Variants in ARB2A observed in about 807,000 individuals in gnomAD.
The protein encoded by ARB2A is ARB2 cotranscriptional regulator A.
chr5:93,990,546 C>G, the ARB2A span, among the ~76,000 whole-genome samples: 1 of 138,744 alleles, frequency 7.2e-6, no homozygotes, highest in Non-Finnish European at 1.5e-5. Context: ...AAAAGATACT[C>G]TTTCACAACC....
chr5:93,619,607 T>G, the ARB2A span: 2 of 152,234 alleles, frequency 1.3e-5, no homozygotes, highest in Non-Finnish European at 2.9e-5. Flanking sequence ...GGATGAAAAC[T>G]ATTAAATTTA....
the ARB2A span, among the ~76,000 whole-genome samples, chr5:94,100,538 T>C: frequency 6.6e-6 from 1 of 151,916 alleles, no homozygotes; most frequent in Non-Finnish European, 1.5e-5. Context: ...CCTCAAACCA[T>C]ACTACAAGGC....
At chr5:93,788,527 G>A in the ARB2A span, among the ~76,000 whole-genome samples, 1 of 152,150 alleles carries the variant, frequency 6.6e-6, no homozygotes, top group Admixed American at 6.5e-5. Context: ...TGTCTTCACA[G>A]ATACCTGGCC....
chr5:93,936,119 A>AC, the ARB2A span, among the ~76,000 whole-genome samples: 2 of 152,208 alleles, frequency 1.3e-5, no homozygotes, highest in African/African-American at 4.8e-5. Flanking sequence ...TATTTAACAA[A>AC]TAGTTAAATT....
chr5:94,004,487 C>T, the ARB2A span, among the ~76,000 whole-genome samples: 3,490 of 151,572 alleles, frequency 0.023, 77 homozygotes, highest in Non-Finnish European at 0.031. Flanking sequence ...GAGGCTGAGG[C>T]AGGAGAATAG....
At chr5:94,099,222 T>C in the ARB2A span, among the ~76,000 whole-genome samples, 1 of 151,908 alleles carries the variant, frequency 6.6e-6, no homozygotes, top group Non-Finnish European at 1.5e-5. Context: ...GATGCAAAAA[T>C]CCTCAACAAA....
the ARB2A span, among the ~76,000 whole-genome samples, chr5:93,635,993 C>G: frequency 6.6e-6 from 1 of 152,144 alleles, no homozygotes; most frequent in African/African-American, 2.4e-5. Context: ...GGCTTTTGTA[C>G]TATTTGATGA....
the ARB2A span, among the ~76,000 whole-genome samples, chr5:94,111,101 C>A: frequency 6.6e-6 from 1 of 152,172 alleles, no homozygotes; most frequent in South Asian, 2.1e-4. Context: ...GCACTTTAAT[C>A]CCTCTGCAGT....
chr5:93,661,365 A>G, the ARB2A span, among the ~76,000 whole-genome samples: 2 of 152,176 alleles, frequency 1.3e-5, no homozygotes, highest in African/African-American at 4.8e-5. Context: ...ATATATGAGA[A>G]GTATGAATCA....
At chr5:94,064,733 C>T in the ARB2A span, among the ~76,000 whole-genome samples, 2 of 152,260 alleles carry the variant, frequency 1.3e-5, no homozygotes, top group South Asian at 2.1e-4. Context: ...ATGCTATATC[C>T]AGAAAAGTTT....
chr5:93,678,165 T>C, the ARB2A span, among the ~76,000 whole-genome samples: 1 of 152,210 alleles, frequency 6.6e-6, no homozygotes, highest in African/African-American at 2.4e-5. Flanking sequence ...CTGTTTGTTA[T>C]ACAGAGAAGT....
chr5:93,978,059 T>C, the ARB2A span, among the ~76,000 whole-genome samples: 1 of 152,074 alleles, frequency 6.6e-6, no homozygotes, highest in East Asian at 1.9e-4. Context: ...TCAAAGCCAC[T>C]ATGAGATACC....
the ARB2A span, among the ~76,000 whole-genome samples, chr5:93,923,579 T>C: frequency 6.6e-6 from 1 of 152,286 alleles, no homozygotes; most frequent in South Asian, 2.1e-4. Context: ...CACAGAACTC[T>C]GAGAGGCACT....
chr5:93,872,591 C>T, the ARB2A span, among the ~76,000 whole-genome samples: 3 of 152,098 alleles, frequency 2.0e-5, no homozygotes, highest in Non-Finnish European at 4.4e-5. Context: ...GCTTGTTTTA[C>T]CAAATCCAAA....
the ARB2A span, among the ~76,000 whole-genome samples, chr5:93,775,274 C>CT: frequency 1.3e-5 from 2 of 152,138 alleles, no homozygotes; most frequent in Admixed American, 6.5e-5. Context: ...ATATTTTCAA[C>CT]TTTAAGTACT....
chr5:93,625,391 T>G, the ARB2A span, among the ~76,000 whole-genome samples: 1 of 152,194 alleles, frequency 6.6e-6, no homozygotes, highest in Admixed American at 6.5e-5. Context: ...TATTTCTTAC[T>G]ATATTAGAGA....
the ARB2A span, among the ~76,000 whole-genome samples, chr5:93,730,308 T>C: frequency 1.3e-5 from 2 of 151,942 alleles, no homozygotes; most frequent in South Asian, 2.1e-4. Flanking sequence ...GGTGTTGGAG[T>C]GATTGGCTTT....
chr5:94,064,848 A>G, the ARB2A span, among the ~76,000 whole-genome samples: 1 of 152,196 alleles, frequency 6.6e-6, no homozygotes, highest in Non-Finnish European at 1.5e-5. Flanking sequence ...GGAATCTTAA[A>G]CCTGGATGCA....
the ARB2A span, among the ~76,000 whole-genome samples, chr5:93,944,938 A>G: frequency 1.3e-5 from 2 of 152,168 alleles, no homozygotes; most frequent in Non-Finnish European, 2.9e-5. Context: ...AAGTCCAGAA[A>G]TACTCAGAAA....
Sources: gnomAD v4.1 joint callset for allele counts (sites outside exome capture counted in the v4.1 genomes callset) on GRCh38, gnomAD v4.1.1 for gene constraint, MANE v1.5 for transcripts, NCBI Gene and HGNC (gene_info 2026-07-23, HGNC 2026-07-21) for gene names.